The following DHRS12 variants were observed in gnomAD, a reference collection of about 807,000 sequenced individuals.
DHRS12 encodes dehydrogenase/reductase SDR family member 12.
A neutral mutation model predicts 32.1 loss-of-function variants in DHRS12; 29 were observed. The ratio of observed to expected loss-of-function variants is 0.90; its 90% confidence interval spans 0.67 to 1.23. The LOEUF is 1.23. DHRS12 is among the 50% of genes most tolerant of loss of function. DHRS12 has a pLI of 0.00. For synonymous variants in DHRS12, 150 were observed against 135.9 expected (o/e 1.10, Z -0.72); for missense variants, 330 against 337.2 (o/e 0.98, Z 0.17).
intron 5 of DHRS12, 101 bp from the exon 6 acceptor site, chr13:51,774,135 A>G: frequency 2.9e-6 from 3 of 1,028,792 alleles, no homozygotes; most frequent in Non-Finnish European, 4.4e-6. Context: ...ACCAATGACC[A>G]CAAAATTAGT....
At chr13:51,800,424 T>A (rs1224003805) in intron 1 of DHRS12, among the ~76,000 whole-genome samples, 1 of 152,254 alleles carries the variant, frequency 6.6e-6, no homozygotes, top group Non-Finnish European at 1.5e-5. Context: ...TTCCTGGCTA[T>A]GAAATTGGCT....
intron 2 of DHRS12, among the ~76,000 whole-genome samples, chr13:51,795,845 A>T (rs1955492362): frequency 6.6e-6 from 1 of 152,128 alleles, no homozygotes; most frequent in Non-Finnish European, 1.5e-5. Context: ...AGCTGAAGAA[A>T]CACATACCTT....
intron 2 of DHRS12, among the ~76,000 whole-genome samples, chr13:51,797,243 T>C (rs1263982033): frequency 2.6e-5 from 4 of 152,228 alleles, no homozygotes; most frequent in Non-Finnish European, 5.9e-5. Flanking sequence ...TGGTTTAATG[T>C]CCTGCCTTTG....
chr13:51,757,554 G>A, the DHRS12 span, among the ~76,000 whole-genome samples: 5 of 151,064 alleles, frequency 3.3e-5, no homozygotes, highest in East Asian at 3.9e-4. Context: ...ACCTTTTCCC[G>A]CCTCTGTTTC....
chr13:51,763,286 GAC>G (rs1349466193), downstream of DHRS12: 2 of 152,162 alleles, frequency 1.3e-5, no homozygotes, highest in Non-Finnish European at 2.9e-5. Flanking sequence ...AAGCATATAT[GAC>G]AGTTTTTTTG....
At chr13:51,755,274 G>A in the DHRS12 span, 1 of 1,253,442 alleles carries the variant, frequency 8.0e-7, no homozygotes, top group South Asian at 1.3e-5. Context: ...CATCCTGATA[G>A]CTCCATAAGT....
downstream of DHRS12, chr13:51,765,986 CG>C (rs1455911683): frequency 1.3e-5 from 2 of 151,576 alleles, no homozygotes; most frequent in African/African-American, 4.9e-5. Flanking sequence ...CCTTGGTTCT[CG>C]GGGATGCATG....
intron 8 of DHRS12, 128 bp from the exon 9 acceptor site, chr13:51,768,424 CA>C: frequency 6.8e-7 from 1 of 1,468,746 alleles, no homozygotes; most frequent in East Asian, 2.5e-5. Context: ...GTTAGACCCC[CA>C]TCCCTGCTGT....
At chr13:51,757,457 G>GA in the DHRS12 span, among the ~76,000 whole-genome samples, 51 of 137,484 alleles carry the variant, frequency 3.7e-4, no homozygotes, top group South Asian at 3.7e-3. Context: ...TAGAAAAAAG[G>GA]AAAAAAAAAA....
Position 51,771,758 on chromosome 13 carries a change from G to A in DHRS12, c.559+63C>T. ...GTCATTCCTGGGGAGAGTCAATCCT[G>A]CGGCTGCTCAGGTATTTTTAGATGA... On this transcript the variant is annotated intron_variant, in intron 7 of 8. Coordinates refer to ENST00000444610, the MANE Select transcript of DHRS12 (RefSeq NM_001377533.1). 6 of 1,575,172 alleles carry A rather than the reference G, an allele frequency of 3.8e-6. No homozygotes were observed. In the South Asian group the frequency reaches 6.7e-5, roughly 18 times the overall value.
chr13:51,758,486 G>A, the DHRS12 span, among the ~76,000 whole-genome samples: 1 of 150,368 alleles, frequency 6.7e-6, no homozygotes. Flanking sequence ...AGGAGTTGAA[G>A]GCTACAGTGA....
downstream of DHRS12, chr13:51,763,868 G>GC (rs1416325841): frequency 1.3e-5 from 2 of 152,190 alleles, no homozygotes; most frequent in Non-Finnish European, 2.9e-5. Flanking sequence ...TTGTTTTTAA[G>GC]CAAAAGGATA....
intron 4 of DHRS12, among the ~76,000 whole-genome samples, chr13:51,778,221 G>A (rs568868380): frequency 6.6e-6 from 1 of 152,372 alleles, no homozygotes; most frequent in East Asian, 1.9e-4. Context: ...CACCTCACAG[G>A]ATCAGAGGAG....
the DHRS12 span, chr13:51,761,400 TG>T: frequency 2.0e-5 from 3 of 152,190 alleles, no homozygotes; most frequent in African/African-American, 7.2e-5. Flanking sequence ...GCCAGGTGCC[TG>T]CCCCTCCTAA....
chr13:51,788,321 A>G (rs1955093188), intron 4 of DHRS12, among the ~76,000 whole-genome samples: 1 of 152,088 alleles, frequency 6.6e-6, no homozygotes, highest in South Asian at 2.1e-4. Flanking sequence ...TCATTTCAGC[A>G]AAGATAACAT....
At chr13:51,756,564 G>T in the DHRS12 span, 1 of 1,469,258 alleles carries the variant, frequency 6.8e-7, no homozygotes, top group Non-Finnish European at 9.0e-7. Flanking sequence ...TCTAGTTTCT[G>T]CTGGTTTAGA....
At chr13:51,761,066 G>A in the DHRS12 span, 7 of 152,184 alleles carry the variant, frequency 4.6e-5, no homozygotes, top group Non-Finnish European at 8.8e-5. Flanking sequence ...CTCGCCCTCT[G>A]TATTCTATCC....
At chr13:51,769,085 G>C in intron 8 of DHRS12, 71 bp downstream of exon 8, 1 of 1,544,702 alleles carries the variant, frequency 6.5e-7, no homozygotes, top group Non-Finnish European at 8.7e-7. Context: ...GGAGGGGAAG[G>C]TGCGCCTCGA....
In DHRS12 at chr13:51,799,630, G is replaced by A. The variant is rs778234113; in HGVS notation, c.30C>T (p.Leu10=). MNLHVKTLS[L]MTWRSRFLEE... is the part of the protein sequence containing the mutation. ...CCAGGAATCTGGACCTCCAAGTCAT[G>A]AGGGACAAAGTCTTTACATGCAGAT... Residue 10 remains leucine, a synonymous_variant, in exon 2 of 9, where the codon CTC becomes CTT. Coordinates refer to ENST00000444610, the MANE Select transcript of DHRS12 (RefSeq NM_001377533.1). The A allele has an allele frequency of 1.2e-6, 2 of 1,614,144 alleles. No homozygotes were observed. The highest frequency in any genetic ancestry group is 2.2e-5 in the East Asian group (1 of 44,888).
Sources: allele counts gnomAD v4.1 joint callset (sites outside exome capture counted in the v4.1 genomes callset), GRCh38; gene constraint gnomAD v4.1.1; transcripts MANE v1.5; gene names NCBI Gene and HGNC (gene_info 2026-07-23, HGNC 2026-07-21).